Variants in PLXDC1 observed in about 807,000 individuals in gnomAD.
The protein encoded by PLXDC1 is plexin domain containing 1, also known as plexin domain-containing protein 1.
Under a neutral mutation model 61.3 loss-of-function variants are expected in PLXDC1, and 39 were observed. The observed-to-expected ratio is 0.64, with a 90% CI of 0.49 to 0.83. The LOEUF (loss-of-function observed/expected upper bound fraction) is 0.83. Ranked by LOEUF, PLXDC1 falls within the 40% of genes least tolerant of loss-of-function variation. The probability of loss-of-function intolerance (pLI) is 0.00; values close to 1 mark genes in which losing one functional copy is unlikely to be tolerated. For synonymous variants in PLXDC1, 212 were observed against 254.5 expected (o/e 0.83, Z 1.59); for missense variants, 596 against 666.5 (o/e 0.89, Z 1.17).
intron 2 of PLXDC1, chr17:39,111,916 C>A (rs533207242): frequency 6.6e-6 from 1 of 152,260 alleles, no homozygotes; most frequent in Non-Finnish European, 1.5e-5. Flanking sequence ...GGCACTGAAG[C>A]CACTGCTTCT....
intron 7 of PLXDC1, among the ~76,000 whole-genome samples, chr17:39,093,572 C>T (rs1910032737): frequency 6.6e-6 from 1 of 151,888 alleles, no homozygotes; most frequent in African/African-American, 2.4e-5. Context: ...AAAAATTAGC[C>T]AGGCATGGTG....
At chr17:39,111,919 C>G (rs1910818293) in intron 2 of PLXDC1, 1 of 152,280 alleles carries the variant, frequency 6.6e-6, no homozygotes. Flanking sequence ...ACTGAAGCCA[C>G]TGCTTCTGCC....
At position 39,067,963 on chromosome 17, in the gene PLXDC1, C is replaced by G. The variant is rs750287147; in HGVS notation, c.1384-4G>C. 1 of 1,613,414 alleles carries G rather than the reference C, an allele frequency of 6.2e-7. No homozygotes were observed. The highest frequency in any genetic ancestry group is 1.7e-5 in the Admixed American group (1 of 60,000). ...CTGGCCAGTGGTGAGGTCTACGCTG[C>G]AGAAGGCACAGAGGCAAAGTCAGTG... On this transcript the variant is annotated splice_polypyrimidine_tract_variant and splice_region_variant and intron_variant, in intron 13 of 13. Coordinates refer to ENST00000315392, the MANE Select transcript of PLXDC1 (RefSeq NM_020405.5).
intron 2 of PLXDC1, among the ~76,000 whole-genome samples, chr17:39,120,828 A>G (rs1217409478): frequency 1.3e-5 from 2 of 150,464 alleles, no homozygotes; most frequent in East Asian, 2.0e-4. Flanking sequence ...CAATAGCACA[A>G]TCTCGGCTCC....
In PLXDC1 at chr17:39,099,732, A is replaced by G. The variant is rs138251816; in HGVS notation, c.811+6122T>C. 8.5e-4 allele frequency among the ~76,000 whole-genome samples: 130 copies of G among 152,276 alleles called. 2 individuals are homozygous for G. In the East Asian group the frequency reaches 0.023, roughly 27 times the overall value. On this transcript the variant is annotated intron_variant, in intron 7 of 13. Transcript: ENST00000315392. ...TACCTCTCTGAACATTTGTGTCCTC[A>G]TTTAGAAAGGGACAAATGTACAAAC... is the stretch of plus-strand genomic sequence containing the variant.
At chr17:39,102,349 C>T (rs953138511) in intron 7 of PLXDC1, among the ~76,000 whole-genome samples, 1 of 152,066 alleles carries the variant, frequency 6.6e-6, no homozygotes, top group Non-Finnish European at 1.5e-5. Flanking sequence ...GGCATGCCCA[C>T]CTATGAGGAG....
intron 8 of PLXDC1, among the ~76,000 whole-genome samples, chr17:39,087,061 C>T (rs746727537): frequency 5.9e-5 from 9 of 152,264 alleles, no homozygotes; most frequent in Admixed American, 2.6e-4. Context: ...GCATCCACCG[C>T]GGATCCTGTG....
At chr17:39,087,214 A>G (rs1416177434) in intron 8 of PLXDC1, among the ~76,000 whole-genome samples, 2 of 152,214 alleles carry the variant, frequency 1.3e-5, no homozygotes, top group African/African-American at 4.8e-5. Context: ...TCTAAGGAGA[A>G]TACAGTGACA....
At chr17:39,114,730 T>C (rs1287017028) in intron 2 of PLXDC1, among the ~76,000 whole-genome samples, 2 of 152,204 alleles carry the variant, frequency 1.3e-5, no homozygotes, top group African/African-American at 4.8e-5. Context: ...CAGCTGCAGA[T>C]GCTAAACAGG....
At chr17:39,106,362 C>T (rs1910590524) in intron 6 of PLXDC1, among the ~76,000 whole-genome samples, 1 of 152,102 alleles carries the variant, frequency 6.6e-6, no homozygotes, top group Non-Finnish European at 1.5e-5. Flanking sequence ...CCCAGTATTC[C>T]CTCTAAGCCC....
rs530228616 is a variant in PLXDC1, at chr17:39,102,157, G to A, written c.811+3697C>T. Among the ~76,000 whole-genome samples the A allele has an allele frequency of 1.6e-4, 25 of 152,264 alleles. No homozygotes were observed. In the South Asian group the frequency reaches 5.2e-3, roughly 32 times the overall value. On this transcript the variant is annotated intron_variant, in intron 7 of 13. Coordinates refer to ENST00000315392, the MANE Select transcript of PLXDC1 (RefSeq NM_020405.5). ...GACTGGGGCGAGATGCTTGGTGGGT[G>A]CTAACCAGCCTTTACTGGGCACCCC...
intron 2 of PLXDC1, among the ~76,000 whole-genome samples, chr17:39,114,816 G>A (rs987872357): frequency 1.3e-5 from 2 of 152,202 alleles, no homozygotes; most frequent in South Asian, 2.1e-4. Context: ...GTTTAAGACG[G>A]TTGCTTTGAG....
At chr17:39,122,437 T>C (rs890227710) in intron 2 of PLXDC1, among the ~76,000 whole-genome samples, 10 of 145,880 alleles carry the variant, frequency 6.9e-5, no homozygotes, top group African/African-American at 2.5e-4. Flanking sequence ...CTGGCTGGGA[T>C]GCAGATGTGA....
chr17:39,108,477 A>AG lies in PLXDC1; in HGVS notation c.470-233dup. 5 of 567,742 alleles carry AG rather than the reference A, an allele frequency of 8.8e-6. 1 individual carries two copies. In the South Asian group the frequency reaches 1.1e-4, roughly 12 times the overall value. The allele number at this position is 567,742 out of a possible 1,614,324, so 35.2% of individuals were successfully genotyped here. On this transcript the variant is annotated intron_variant, in intron 4 of 13. Coordinates refer to ENST00000315392, the MANE Select transcript of PLXDC1 (RefSeq NM_020405.5). ...TCAGCAGGGCACAGACTATAGGGCG[A>AG]GGGGGCAGGAAGAGGAGAGGACTCA...
At chr17:39,149,605 G>A (rs573459208) in intron 1 of PLXDC1, among the ~76,000 whole-genome samples, 6 of 152,210 alleles carry the variant, frequency 3.9e-5, no homozygotes, top group Non-Finnish European at 8.8e-5. Flanking sequence ...AGACAGGATA[G>A]CCTCTACTTA....
chr17:39,072,331 G>T, intron 12 of PLXDC1, 119 bp downstream of exon 12: 1 of 739,966 alleles, frequency 1.4e-6, no homozygotes, highest in Non-Finnish European at 2.4e-6. Flanking sequence ...GGATGCTCAG[G>T]CTGCCGTTGC....
chr17:39,129,681 G>A (rs1293149976), intron 2 of PLXDC1, among the ~76,000 whole-genome samples: 2 of 26,116 alleles, frequency 7.7e-5, no homozygotes, highest in African/African-American at 4.2e-4. Context: ...GAGAGAGAGG[G>A]AGAAAGAAAA....
chr17:39,135,078 A>C (rs1911699838), intron 2 of PLXDC1, among the ~76,000 whole-genome samples: 1 of 152,222 alleles, frequency 6.6e-6, no homozygotes, highest in Non-Finnish European at 1.5e-5. Flanking sequence ...TATTTATCCC[A>C]GTAGTTTCAT....
At chr17:39,141,217 A>G (rs1437325287) in intron 1 of PLXDC1, among the ~76,000 whole-genome samples, 3 of 152,172 alleles carry the variant, frequency 2.0e-5, no homozygotes, top group African/African-American at 7.2e-5. Context: ...TTTTATAGAG[A>G]CAGGGTCTCA....
Sources: gnomAD v4.1 joint callset for allele counts (sites outside exome capture counted in the v4.1 genomes callset) on GRCh38, gnomAD v4.1.1 for gene constraint, MANE v1.5 for transcripts, NCBI Gene and HGNC (gene_info 2026-07-23, HGNC 2026-07-21) for gene names.